Variants in ACTN4 observed in about 807,000 individuals in gnomAD.
ACTN4 encodes the protein actinin alpha 4.
ACTN4 carries 18 observed loss-of-function variants against 114.2 expected under a neutral mutation model. The ratio of observed to expected loss-of-function variants is 0.16; its 90% CI spans 0.11 to 0.23. ACTN4 has a LOEUF of 0.23. Among genes scored for constraint, ACTN4 ranks in the 10% least tolerant of loss-of-function variants. ACTN4 has a pLI of 1.00. For missense variants in ACTN4, 722 were observed against 1,262.9 expected (o/e 0.57, Z 6.49); for synonymous variants, 515 against 506.3 (o/e 1.02, Z -0.23).
In ACTN4 at chr19:38,729,545, G is replaced by C. The variant is rs767232713; in HGVS notation, c.*113G>C. On this transcript the variant is annotated 3_prime_UTR_variant, in exon 21 of 21. Coordinates refer to ENST00000252699, the MANE Select transcript of ACTN4 (RefSeq NM_004924.6). ...TGCAAAGCACTCTCTGCAGTCCTCC[G>C]GGGTGGGTGGGTGGGCAGGGAGGGG... 2.2e-6 allele frequency: 1 copy of C among 446,252 alleles called. No individual in the cohort carries two copies. Among genetic ancestry groups the C allele is most frequent in the Non-Finnish European group, 4.5e-6 (1 of 223,958 alleles). 27.6% of individuals were successfully genotyped at this position (446,252 alleles called of 1,614,324 possible). A position where few individuals can be genotyped will look rare whatever the true frequency, so the allele number is the denominator to read the frequency against.
intron 1 of ACTN4, among the ~76,000 whole-genome samples, chr19:38,674,497 A>G (rs73032702): frequency 3.0e-4 from 46 of 152,314 alleles, no homozygotes; most frequent in Non-Finnish European, 6.2e-4. Flanking sequence ...GCCGTGGAGC[A>G]TATCTGTTTC....
intron 4 of ACTN4, 61 bp from the exon 5 acceptor site, chr19:38,705,983 T>C: frequency 6.3e-7 from 1 of 1,576,366 alleles, no homozygotes; most frequent in Non-Finnish European, 8.7e-7. Flanking sequence ...CCATCCAACT[T>C]GGGCTGAGTT....
intron 5 of ACTN4, 100 bp from the exon 6 acceptor site, chr19:38,708,017 A>T: frequency 1.6e-6 from 2 of 1,221,064 alleles, no homozygotes; most frequent in Admixed American, 1.7e-5. Context: ...GCCAGACTGC[A>T]GTGAATGGGA....
At chr19:38,718,378 A>G (rs1968919245) in intron 11 of ACTN4, 4 of 448,306 alleles carry the variant, frequency 8.9e-6, no homozygotes, top group Non-Finnish European at 1.7e-5. Flanking sequence ...AAATTTTAGA[A>G]TAATAAAATT....
rs376104611 is a variant in ACTN4, at chr19:38,731,026, G to C, written c.*1594G>C. ...ATCCAGGTGCTGGCTGCAGTGGCCT[G>C]TGCAGAGAGGGGCAGGGTGAGTGCC... On this transcript the variant is annotated 3_prime_UTR_variant, in exon 21 of 21. Transcript: ENST00000252699. 18 of 1,555,020 alleles carry C rather than the reference G, an allele frequency of 1.2e-5. No individual in the cohort carries two copies. Among genetic ancestry groups the C allele is most frequent in the East Asian group, 2.4e-5 (1 of 41,200 alleles).
chr19:38,701,173 C>T (rs1329559873), intron 3 of ACTN4, 52 bp downstream of exon 3: 1 of 1,610,508 alleles, frequency 6.2e-7, no homozygotes, highest in Non-Finnish European at 8.5e-7. Flanking sequence ...GACCTTTAGG[C>T]TCTGAAGCAC....
intron 8 of ACTN4, chr19:38,711,338 C>T: frequency 9.6e-7 from 1 of 1,043,406 alleles, no homozygotes; most frequent in Non-Finnish European, 1.2e-6. Flanking sequence ...CTGCTTCTAC[C>T]ACGCTTTCTC....
At chr19:38,728,232 T>C in intron 19 of ACTN4, 1 of 1,450,236 alleles carries the variant, frequency 6.9e-7, no homozygotes, top group Non-Finnish European at 9.4e-7. Flanking sequence ...GCCACTGTCC[T>C]GTCTGCCTGC....
At chr19:38,692,041 C>T (rs895008327) in intron 1 of ACTN4, among the ~76,000 whole-genome samples, 6 of 152,178 alleles carry the variant, frequency 3.9e-5, no homozygotes, top group African/African-American at 1.2e-4. Context: ...TGGGTGGACA[C>T]GCAGGACCTT....
intron 11 of ACTN4, among the ~76,000 whole-genome samples, chr19:38,719,280 T>A (rs1321827811): frequency 6.6e-6 from 1 of 152,228 alleles, no homozygotes; most frequent in East Asian, 1.9e-4. Flanking sequence ...ACAGTCTCCC[T>A]GGCCCTCCGG....
At chr19:38,721,036 C>G (rs1969021365) in intron 11 of ACTN4, among the ~76,000 whole-genome samples, 1 of 152,226 alleles carries the variant, frequency 6.6e-6, no homozygotes, top group South Asian at 2.1e-4. Context: ...ACACAGGACA[C>G]CTTAGGACAG....
rs1671116753 is a variant in ACTN4 at position 38,730,093 on chromosome 19, A to G, written c.*661A>G. On this transcript the variant is annotated 3_prime_UTR_variant, in exon 21 of 21. Coordinates refer to ENST00000252699, the MANE Select transcript of ACTN4 (RefSeq NM_004924.6). ...GTGTCTCAGATTTTCTAAGAACCAA[A>G]AAAAAAAAAGGAAAAAAAACACAAA... 1 of 148,658 alleles carries G rather than the reference A, an allele frequency of 6.7e-6. No individual in the cohort carries two copies. Among genetic ancestry groups the G allele is most frequent in the Non-Finnish European group, 1.5e-5 (1 of 66,876 alleles). 9.2% of individuals were successfully genotyped at this position (148,658 alleles called of 1,614,324 possible).
At chr19:38,661,328 T>C (rs1976879729) in intron 1 of ACTN4, among the ~76,000 whole-genome samples, 1 of 152,220 alleles carries the variant, frequency 6.6e-6, no homozygotes, top group Non-Finnish European at 1.5e-5. Flanking sequence ...AAACAAAAGC[T>C]GCAGTTATCT....
At chr19:38,706,361 C>T (rs1968459269) in intron 5 of ACTN4, among the ~76,000 whole-genome samples, 1 of 152,208 alleles carries the variant, frequency 6.6e-6, no homozygotes, top group African/African-American at 2.4e-5. Context: ...TCAGCCCTCT[C>T]GCCGGCCTAA....
chr19:38,702,335 A>G (rs1222651914), intron 3 of ACTN4, among the ~76,000 whole-genome samples: 1 of 152,194 alleles, frequency 6.6e-6, no homozygotes, highest in Admixed American at 6.5e-5. Flanking sequence ...CTGGGGCTCA[A>G]GGCACCTGAG....
At chr19:38,684,714 A>G (rs1326499991) in intron 1 of ACTN4, among the ~76,000 whole-genome samples, 2 of 152,020 alleles carry the variant, frequency 1.3e-5, no homozygotes, top group East Asian at 1.9e-4. Flanking sequence ...TCCCGATCCT[A>G]TAATTACTCT....
In ACTN4 at chr19:38,725,768, C is replaced by G. The variant is rs577123101; in HGVS notation, c.2055C>G (p.Asp685Glu). The part of the protein sequence containing the change: ...ISIEMNGTLE[D>E]QLSHLKQYER... Reference sequence around the variant, plus strand: ...TTGAGATGAACGGGACCCTGGAGGACCAGCTGAGCCACCTGAAGCAGTATG... The same window carrying G: ...TTGAGATGAACGGGACCCTGGAGGAGCAGCTGAGCCACCTGAAGCAGTATG... Residue 685 changes from aspartate (D) to glutamate (E), a missense_variant, in exon 17 of 21, where the codon GAC becomes GAG. This residue lies in a region of ACTN4 where 523 missense variants were observed against 875.9 expected (regional missense o/e 0.60). Coordinates refer to ENST00000252699, the MANE Select transcript of ACTN4 (RefSeq NM_004924.6). 1.2e-6 allele frequency: 2 copies of G among 1,614,128 alleles called. No homozygotes were observed. The highest frequency in any genetic ancestry group is 1.7e-6 in the Non-Finnish European group (2 of 1,180,042).
At chr19:38,656,205 C>T (rs778008015) in intron 1 of ACTN4, among the ~76,000 whole-genome samples, 3 of 152,144 alleles carry the variant, frequency 2.0e-5, no homozygotes, top group African/African-American at 4.8e-5. Context: ...GCTTTGACCT[C>T]GGGCTCAAGC....
intron 1 of ACTN4, among the ~76,000 whole-genome samples, chr19:38,670,807 C>T (rs1469126249): frequency 6.6e-6 from 1 of 151,904 alleles, no homozygotes; most frequent in East Asian, 1.9e-4. Context: ...CTTGTAATCC[C>T]AGCTACTCGG....
Sources: allele counts gnomAD v4.1 joint callset (sites outside exome capture counted in the v4.1 genomes callset), GRCh38; gene constraint gnomAD v4.1.1; regional missense constraint gnomAD v4.1.1; transcripts MANE v1.5; gene names NCBI Gene and HGNC (gene_info 2026-07-23, HGNC 2026-07-21).